Variants in ZBTB7C observed in about 807,000 individuals in gnomAD.
ZBTB7C encodes the protein zinc finger and BTB domain containing 7C, also known as zinc finger and BTB domain-containing protein 7C.
ZBTB7C carries 8 observed loss-of-function variants against 25.7 expected under a neutral mutation model. That is an observed-to-expected ratio of 0.31 (90% CI 0.18 to 0.56). The LOEUF is 0.56. Among genes scored for constraint, ZBTB7C ranks in the 20% least tolerant of loss-of-function variants. ZBTB7C has a pLI of 0.91. For synonymous variants in ZBTB7C, 394 were observed against 369.0 expected (o/e 1.07, Z -0.78); for missense variants, 824 against 855.2 (o/e 0.96, Z 0.46).
Position 48,106,994 on chromosome 18 carries a change from G to A in ZBTB7C, c.-16-65871C>T, listed in dbSNP as rs562228572. 2.6e-5 allele frequency among the ~76,000 whole-genome samples: 4 copies of A among 152,200 alleles called. No homozygotes were observed. The South Asian group carries it at 8.3e-4, about 32-fold the overall frequency. On this transcript the variant is annotated intron_variant, in intron 3 of 4. Transcript: ENST00000590800. ...AGGATGAAGGTGATATAATTGGAAT[G>A]AGAGCCTCAGCTGAACCAGGAAACG... is the stretch of plus-strand genomic sequence containing the variant.
At chr18:48,081,339 C>T (rs954663556) in intron 3 of ZBTB7C, among the ~76,000 whole-genome samples, 2 of 152,188 alleles carry the variant, frequency 1.3e-5, no homozygotes, top group African/African-American at 2.4e-5. Flanking sequence ...TTGTACCATC[C>T]ATGTCAGGAC....
intron 3 of ZBTB7C, among the ~76,000 whole-genome samples, chr18:48,140,602 T>G: frequency 6.6e-6 from 1 of 152,142 alleles, no homozygotes; most frequent in Non-Finnish European, 1.5e-5. Context: ...AGTTTATCCA[T>G]CTGAACAAGC....
At chr18:48,119,657 A>G (rs1445123972) in intron 3 of ZBTB7C, among the ~76,000 whole-genome samples, 2 of 152,234 alleles carry the variant, frequency 1.3e-5, no homozygotes, top group Non-Finnish European at 1.5e-5. Context: ...TGGCCCAACC[A>G]GGAACTCCTG....
intron 3 of ZBTB7C, among the ~76,000 whole-genome samples, chr18:48,058,366 C>G (rs924170697): frequency 3.9e-5 from 6 of 152,164 alleles, no homozygotes; most frequent in African/African-American, 1.4e-4. Context: ...TCTCAGTCTG[C>G]CTTTTGTGGT....
At chr18:48,177,802 C>G (rs1465299339) in intron 3 of ZBTB7C, among the ~76,000 whole-genome samples, 1 of 152,104 alleles carries the variant, frequency 6.6e-6, no homozygotes, top group Non-Finnish European at 1.5e-5. Flanking sequence ...GCAACGGGCT[C>G]CCTTGCCTCT....
intron 3 of ZBTB7C, among the ~76,000 whole-genome samples, chr18:48,164,891 G>A (rs187029757): frequency 2.6e-5 from 4 of 152,212 alleles, no homozygotes; most frequent in African/African-American, 9.6e-5. Flanking sequence ...ATCCCACCAA[G>A]TTGGGATTGT....
At chr18:48,080,081 C>T (rs1209721173) in intron 3 of ZBTB7C, among the ~76,000 whole-genome samples, 1 of 152,246 alleles carries the variant, frequency 6.6e-6, no homozygotes, top group Non-Finnish European at 1.5e-5. Context: ...TGGGGCCCGC[C>T]TGGTGGGGGA....
At chr18:48,366,611 C>T (rs1187671942) in intron 1 of ZBTB7C, among the ~76,000 whole-genome samples, 1 of 152,154 alleles carries the variant, frequency 6.6e-6, no homozygotes, top group African/African-American at 2.4e-5. Context: ...GAAAGGCCAG[C>T]AACCCAAAAG....
chr18:48,041,772 T>A (rs2036254016), intron 3 of ZBTB7C, among the ~76,000 whole-genome samples: 1 of 152,154 alleles, frequency 6.6e-6, no homozygotes, highest in South Asian at 2.1e-4. Flanking sequence ...ACTTCCTATA[T>A]GTGTATATCT....
intron 3 of ZBTB7C, among the ~76,000 whole-genome samples, chr18:48,128,108 C>T (rs1850963089): frequency 6.6e-6 from 1 of 152,232 alleles, no homozygotes; most frequent in Non-Finnish European, 1.5e-5. Flanking sequence ...TCACTCCTGC[C>T]TGCCTGAACA....
At chr18:48,275,008 G>A (rs2044604419) in intron 2 of ZBTB7C, among the ~76,000 whole-genome samples, 3 of 152,180 alleles carry the variant, frequency 2.0e-5, no homozygotes, top group Non-Finnish European at 4.4e-5. Flanking sequence ...TACTCTGGGG[G>A]CTTCGTCATC....
At chr18:48,390,561 A>G (rs1440208387) in intron 1 of ZBTB7C, among the ~76,000 whole-genome samples, 2 of 152,244 alleles carry the variant, frequency 1.3e-5, no homozygotes, top group Non-Finnish European at 2.9e-5. Context: ...AATTTTTAAT[A>G]GCTGCTGGTG....
At chr18:48,254,542 CT>C (rs2144468653) in intron 2 of ZBTB7C, among the ~76,000 whole-genome samples, 1 of 152,308 alleles carries the variant, frequency 6.6e-6, no homozygotes, top group African/African-American at 2.4e-5. Flanking sequence ...CTCTATCCTC[CT>C]CTCTCGTTTC....
chr18:48,127,516 CCGCA>C (rs1286752179), intron 3 of ZBTB7C, among the ~76,000 whole-genome samples: 4 of 152,228 alleles, frequency 2.6e-5, no homozygotes, highest in Non-Finnish European at 5.9e-5. Context: ...AGCATGGGGT[CCGCA>C]CACAGTAGGT....
chr18:48,095,065 TCCCCCAATTC>T (rs1176168803), intron 3 of ZBTB7C, among the ~76,000 whole-genome samples: 1 of 152,010 alleles, frequency 6.6e-6, no homozygotes, highest in Non-Finnish European at 1.5e-5. Flanking sequence ...TGCAAAAATC[TCCCCCAATTC>T]CCTCCTGGTA....
At chr18:48,307,846 C>CATAA (rs555176274) in intron 2 of ZBTB7C, among the ~76,000 whole-genome samples, 353 of 152,112 alleles carry the variant, frequency 2.3e-3, no homozygotes, top group South Asian at 9.3e-3. Context: ...AACTCCACCT[C>CATAA]ATAAATAAAT....
At chr18:48,037,112 C>T (rs774480521) in intron 4 of ZBTB7C, among the ~76,000 whole-genome samples, 8 of 152,322 alleles carry the variant, frequency 5.3e-5, no homozygotes, top group Admixed American at 1.3e-4. Flanking sequence ...TTCCCCAGCT[C>T]GGGGTTTCTC....
intron 3 of ZBTB7C, among the ~76,000 whole-genome samples, chr18:48,077,893 C>G (rs2037834147): frequency 6.6e-6 from 1 of 151,758 alleles, no homozygotes; most frequent in African/African-American, 2.4e-5. Context: ...GCCTCCCCAG[C>G]TCACCTGGCT....
At chr18:48,036,110 C>A (rs2035958254) in intron 4 of ZBTB7C, among the ~76,000 whole-genome samples, 1 of 152,244 alleles carries the variant, frequency 6.6e-6, no homozygotes, top group Non-Finnish European at 1.5e-5. Flanking sequence ...TGAGGCCCTG[C>A]CTAGGGAGAT....
Sources: gnomAD v4.1 joint callset for allele counts (sites outside exome capture counted in the v4.1 genomes callset) on GRCh38, gnomAD v4.1.1 for gene constraint, MANE v1.5 for transcripts, NCBI Gene and HGNC (gene_info 2026-07-23, HGNC 2026-07-21) for gene names.